Variants in CSMD3 observed in about 807,000 individuals in gnomAD.
The protein encoded by CSMD3 is CUB and sushi domain-containing protein 3.
In CSMD3, 177 loss-of-function variants were observed where a neutral mutation model predicts 435.2. The ratio of observed to expected loss-of-function variants is 0.41; its 90% confidence interval spans 0.36 to 0.46. The LOEUF is 0.46. Among genes scored for constraint, CSMD3 ranks in the 20% least tolerant of loss-of-function variants. The pLI, the probability that CSMD3 is intolerant of heterozygous loss-of-function variation, is 0.34. For synonymous variants in CSMD3, 1,656 were observed against 1,520.5 expected (o/e 1.09, Z -2.07); for missense variants, 4,265 against 4,504.6 (o/e 0.95, Z 1.52).
intron 35 of CSMD3, among the ~76,000 whole-genome samples, chr8:112,405,092 C>T (rs1341801900): frequency 6.9e-6 from 1 of 144,362 alleles, no homozygotes; most frequent in Non-Finnish European, 1.5e-5. Flanking sequence ...TATGCTGAGG[C>T]AGGAGGCTTT....
intron 1 of CSMD3, among the ~76,000 whole-genome samples, chr8:113,379,290 TA>T (rs545483441): frequency 1.6e-3 from 236 of 151,888 alleles, no homozygotes; most frequent in African/African-American, 5.6e-3. Flanking sequence ...TTCTGAGAAT[TA>T]AAAAAAACAC....
intron 38 of CSMD3, among the ~76,000 whole-genome samples, chr8:112,359,495 T>C (rs1466067716): frequency 1.3e-5 from 2 of 152,198 alleles, no homozygotes; most frequent in Non-Finnish European, 2.9e-5. Flanking sequence ...AATGAATGAA[T>C]AATATAAGAA....
chr8:113,217,631 G>A (rs1375005328), intron 3 of CSMD3, among the ~76,000 whole-genome samples: 1 of 151,564 alleles, frequency 6.6e-6, no homozygotes, highest in Admixed American at 6.6e-5. Flanking sequence ...AAGTGAATCT[G>A]AAAACAAAAG....
At chr8:113,209,722 T>G (rs934107800) in intron 3 of CSMD3, among the ~76,000 whole-genome samples, 1 of 152,126 alleles carries the variant, frequency 6.6e-6, no homozygotes, top group Non-Finnish European at 1.5e-5. Flanking sequence ...TGACAAAATT[T>G]AATTTTCTCT....
rs1554611986 is a variant in CSMD3, at chr8:113,328,727, C to CTTTTTTTTTTTT, written c.179-13935_179-13934insAAAAAAAAAAAA. Among the ~76,000 whole-genome samples the CTTTTTTTTTTTT allele has an allele frequency of 8.0e-5, 7 of 87,280 alleles. No individual in the cohort carries two copies. The Admixed American group carries it at 9.3e-4, about 12-fold the overall frequency. The allele number at this position is 87,280 out of a possible 152,430, so 57.3% of individuals were successfully genotyped here. A position where few individuals can be genotyped will look rare whatever the true frequency, so the allele number is the denominator to read the frequency against. On this transcript the variant is annotated intron_variant, in intron 1 of 70. Coordinates refer to ENST00000297405, the MANE Select transcript of CSMD3 (RefSeq NM_198123.2). ...TTTTCTTTCTTTCTTTCTTTCCTTC[C>CTTTTTTTTTTTT]TTCTTTTCTTTTTTTTTTTTTTTTT...
intron 1 of CSMD3, among the ~76,000 whole-genome samples, chr8:113,329,848 G>C (rs1035493697): frequency 1.6e-4 from 25 of 151,816 alleles, no homozygotes; most frequent in Admixed American, 7.9e-4. Context: ...AACCAAAAAG[G>C]CTCTCAAAAA....
chr8:112,384,013 G>A (rs1277747416), intron 36 of CSMD3, among the ~76,000 whole-genome samples: 1 of 152,154 alleles, frequency 6.6e-6, no homozygotes, highest in African/African-American at 2.4e-5. Context: ...GAATTTTTAT[G>A]TATATGTACT....
intron 28 of CSMD3, among the ~76,000 whole-genome samples, chr8:112,509,144 C>G (rs1822837370): frequency 6.7e-6 from 1 of 149,216 alleles, no homozygotes. Flanking sequence ...TGCTGGAGTG[C>G]AGTGGCACGA....
chr8:112,556,133 T>C (rs968058977), intron 25 of CSMD3, among the ~76,000 whole-genome samples: 5 of 151,976 alleles, frequency 3.3e-5, no homozygotes, highest in Admixed American at 6.6e-5. Flanking sequence ...GAGATCTCTA[T>C]CCACACCTGT....
At chr8:112,439,476 A>C (rs558030043) in intron 32 of CSMD3, among the ~76,000 whole-genome samples, 1 of 152,304 alleles carries the variant, frequency 6.6e-6, no homozygotes, top group African/African-American at 2.4e-5. Context: ...ACAGGAACTT[A>C]ATAATGATAG....
chr8:112,656,949 C>T (rs1039258592), intron 17 of CSMD3, among the ~76,000 whole-genome samples: 5 of 151,916 alleles, frequency 3.3e-5, no homozygotes, highest in African/African-American at 9.7e-5. Context: ...TTAAAGACTT[C>T]ATTGACATTA....
intron 13 of CSMD3, among the ~76,000 whole-genome samples, chr8:112,696,540 G>A (rs1277041476): frequency 6.6e-6 from 1 of 152,064 alleles, no homozygotes; most frequent in Non-Finnish European, 1.5e-5. Flanking sequence ...AGCTGAAACT[G>A]GATCCCTTCC....
At chr8:112,422,911 T>A (rs1173092765) in intron 32 of CSMD3, among the ~76,000 whole-genome samples, 2 of 152,152 alleles carry the variant, frequency 1.3e-5, no homozygotes, top group Non-Finnish European at 2.9e-5. Flanking sequence ...AATATCAATG[T>A]GGGAAGAGGT....
chr8:113,317,581 T>A (rs1415141021), intron 1 of CSMD3, among the ~76,000 whole-genome samples: 2 of 152,218 alleles, frequency 1.3e-5, no homozygotes, highest in East Asian at 3.8e-4. Context: ...TATCACAAAG[T>A]TACATTAAAC....
At chr8:112,885,775 G>A (rs1314655620) in intron 10 of CSMD3, among the ~76,000 whole-genome samples, 1 of 151,686 alleles carries the variant, frequency 6.6e-6, no homozygotes, top group African/African-American at 2.4e-5. Flanking sequence ...CATTCTCAAT[G>A]TTCCTTTATG....
chr8:112,495,519 T>C (rs1369859953), intron 30 of CSMD3, among the ~76,000 whole-genome samples: 2 of 152,220 alleles, frequency 1.3e-5, no homozygotes, highest in Non-Finnish European at 2.9e-5. Flanking sequence ...AATGCCCTTA[T>C]GTTATTATTA....
intron 41 of CSMD3, among the ~76,000 whole-genome samples, chr8:112,343,499 A>G (rs369165554): frequency 6.6e-6 from 1 of 152,182 alleles, no homozygotes; most frequent in South Asian, 2.1e-4. Context: ...CAGGCCAGTC[A>G]CACAGTGTTC....
chr8:113,115,402 C>A (rs555182730), intron 4 of CSMD3, among the ~76,000 whole-genome samples: 2 of 152,188 alleles, frequency 1.3e-5, no homozygotes, highest in African/African-American at 2.4e-5. Flanking sequence ...ACACCCAAAT[C>A]AAGAAGAGAA....
In CSMD3 at chr8:113,015,101, C is replaced by T. The variant is rs147233466; in HGVS notation, c.1030+3966G>A. On this transcript the variant is annotated intron_variant, in intron 6 of 70. Coordinates refer to ENST00000297405, the MANE Select transcript of CSMD3 (RefSeq NM_198123.2). ...TACACAGGTATTTATGTAAAAACTT[C>T]CCAAATATAAAAAATGGATGAACTA... 4.9e-3 allele frequency among the ~76,000 whole-genome samples: 738 copies of T among 152,084 alleles called. 5 individuals are homozygous for T. The highest frequency in any genetic ancestry group is 0.016 in the African/African-American group (647 of 41,508).
Sources: allele counts gnomAD v4.1 joint callset (sites outside exome capture counted in the v4.1 genomes callset), GRCh38; gene constraint gnomAD v4.1.1; transcripts MANE v1.5; gene names NCBI Gene and HGNC (gene_info 2026-07-23, HGNC 2026-07-21).